SPATA6L: variants seen among roughly 807,000 people sequenced by gnomAD.
The protein encoded by SPATA6L is spermatogenesis associated 6 like.
Under a neutral mutation model 49.2 loss-of-function variants are expected in SPATA6L, and 68 were observed. That is an observed-to-expected ratio of 1.38 (90% confidence interval 1.14 to 1.69). The LOEUF is 1.69. Ranked by LOEUF, SPATA6L falls within the 40% of genes most tolerant of loss-of-function variation. SPATA6L has a pLI of 0.00. For synonymous variants in SPATA6L, 198 were observed against 165.7 expected (o/e 1.19, Z -1.50); for missense variants, 668 against 464.3 (o/e 1.44, Z -4.03).
chr9:4,652,764 C>T (rs1354139150), intron 3 of SPATA6L, among the ~76,000 whole-genome samples: 1 of 150,118 alleles, frequency 6.7e-6, no homozygotes, highest in Non-Finnish European at 1.5e-5. Context: ...TCACTTGAAC[C>T]TGGGAGGCAG....
chr9:4,646,399 C>G, intron 3 of SPATA6L: 4 of 800,390 alleles, frequency 5.0e-6, no homozygotes, highest in Non-Finnish European at 7.5e-6. Context: ...TCAAACACAA[C>G]TCTTAAGTAC....
At chr9:4,604,321 G>C in intron 10 of SPATA6L, 52 bp from the exon 11 acceptor site, 1 of 1,206,510 alleles carries the variant, frequency 8.3e-7, no homozygotes, top group African/African-American at 1.5e-5. Flanking sequence ...TAATAGAGAT[G>C]GATGATACCC....
chr9:4,636,855 G>A (rs964646771), intron 3 of SPATA6L, among the ~76,000 whole-genome samples: 2 of 152,072 alleles, frequency 1.3e-5, no homozygotes, highest in Non-Finnish European at 2.9e-5. Flanking sequence ...CCACGCTCCA[G>A]CCACAATGGA....
intron 9 of SPATA6L, among the ~76,000 whole-genome samples, chr9:4,607,002 A>C (rs1161964395): frequency 0.011 from 1,702 of 148,356 alleles, 34 homozygotes; most frequent in African/African-American, 0.042. Context: ...AGAATGCAGA[A>C]GCCTCAGGAG....
At chr9:4,605,180 C>A in intron 10 of SPATA6L, among the ~76,000 whole-genome samples, 167 bp downstream of exon 10, 1 of 152,150 alleles carries the variant, frequency 6.6e-6, no homozygotes, top group East Asian at 1.9e-4. Context: ...GTCAAATACC[C>A]GCTACCATTC....
intron 1 of SPATA6L, chr9:4,664,482 T>A (rs1840556290): frequency 6.0e-6 from 1 of 167,074 alleles, no homozygotes; most frequent in South Asian, 2.1e-4. Context: ...TACATTGACC[T>A]TTACATTTAA....
chr9:4,629,566 A>T (rs1831052589), intron 4 of SPATA6L, among the ~76,000 whole-genome samples: 1 of 151,944 alleles, frequency 6.6e-6, no homozygotes, highest in African/African-American at 2.4e-5. Flanking sequence ...ATTGAATGAG[A>T]TTACCTAGAG....
intron 3 of SPATA6L, among the ~76,000 whole-genome samples, chr9:4,649,878 T>C (rs568327038): frequency 3.0e-4 from 46 of 152,296 alleles, no homozygotes; most frequent in African/African-American, 1.1e-3. Flanking sequence ...TCATTTGAAA[T>C]GCTGAATTTT....
At chr9:4,592,514 T>G (rs1414818910) in intron 13 of SPATA6L, among the ~76,000 whole-genome samples, 2 of 152,146 alleles carry the variant, frequency 1.3e-5, no homozygotes, top group Admixed American at 1.3e-4. Flanking sequence ...ATTAAGCAAC[T>G]TCCCCAAAGA....
intron 5 of SPATA6L, chr9:4,626,409 G>C (rs1403808250): frequency 4.6e-6 from 6 of 1,302,926 alleles, no homozygotes; most frequent in Non-Finnish European, 6.1e-6. Flanking sequence ...CTGAGTTCCA[G>C]CTCATCCAAG....
intron 3 of SPATA6L, among the ~76,000 whole-genome samples, chr9:4,638,318 T>C (rs1587312811): frequency 1.3e-5 from 2 of 152,058 alleles, no homozygotes; most frequent in East Asian, 3.9e-4. Flanking sequence ...TTCAAGTGAT[T>C]CTCTTGCCTC....
chr9:4,662,148 C>T lies in SPATA6L; in HGVS notation c.40-112G>A, dbSNP rs1563741808. The T allele has an allele frequency of 8.7e-6, 13 of 1,487,158 alleles. No individual in the cohort carries two copies. The highest frequency in any genetic ancestry group is 1.2e-5 in the Non-Finnish European group (13 of 1,118,666). The allele number at this position is 1,487,158 out of a possible 1,614,324, so 92.1% of individuals were successfully genotyped here. A position where few individuals can be genotyped will look rare whatever the true frequency, so the allele number is the denominator to read the frequency against. On this transcript the variant is annotated intron_variant, in intron 1 of 11. Transcript: ENST00000682582. This position sits in a 1 kb window ranked among gnomAD's most constrained non-coding sequence, Gnocchi z 4.9. ...CTACAGACACTGACATTTTCCCCAT[C>T]ACCTCACTCCCTCACCTGTACCTCC... is the stretch of plus-strand genomic sequence containing the variant.
intron 9 of SPATA6L, among the ~76,000 whole-genome samples, chr9:4,616,848 C>G (rs199508327): frequency 1.3e-5 from 2 of 152,138 alleles, no homozygotes; most frequent in South Asian, 4.1e-4. Context: ...GCCTCCCAAA[C>G]TGCTGGGATT....
downstream of SPATA6L, among the ~76,000 whole-genome samples, chr9:4,595,979 A>G (rs1308149962): frequency 6.6e-6 from 1 of 152,212 alleles, no homozygotes; most frequent in Non-Finnish European, 1.5e-5. Flanking sequence ...ACCTTGTGGG[A>G]GGATGGGGTG....
intron 2 of SPATA6L, among the ~76,000 whole-genome samples, chr9:4,657,145 C>T (rs894892535): frequency 6.6e-6 from 1 of 152,022 alleles, no homozygotes; most frequent in Non-Finnish European, 1.5e-5. Flanking sequence ...CTAAGAAAAA[C>T]AAAACATTTT....
chr9:4,604,265 T>C lies in SPATA6L; in HGVS notation c.1094A>G (p.Asp365Gly). ...HRAQLHQNKE[D>G]STSEVNYIIE... ...GATATAATTTACTTCAGAGGTAGAA[T>C]CTTCCTACAATAAAAACAAATCCAG... is the stretch of plus-strand genomic sequence containing the variant. The change falls in exon 11 of 12, where the codon GAT (aspartate) becomes GGT (glycine). Residue 365 changes from aspartate (D) to glycine (G), a missense_variant. Coordinates refer to ENST00000682582, the MANE Select transcript of SPATA6L (RefSeq NM_001353486.2). 1 of 1,601,036 alleles carries C rather than the reference T, an allele frequency of 6.2e-7. No homozygotes were observed. The highest frequency in any genetic ancestry group is 1.3e-5 in the African/African-American group (1 of 74,774).
chr9:4,607,166 G>C (rs1270377122), intron 9 of SPATA6L, among the ~76,000 whole-genome samples: 2 of 152,108 alleles, frequency 1.3e-5, no homozygotes, highest in East Asian at 1.9e-4. Context: ...ATCTACGTCT[G>C]ATTGGTATAC....
intron 6 of SPATA6L, among the ~76,000 whole-genome samples, chr9:4,623,141 T>G (rs1039205575): frequency 3.3e-5 from 5 of 151,940 alleles, no homozygotes; most frequent in African/African-American, 9.7e-5. Flanking sequence ...TTAGCTGGGC[T>G]TGGTGGCGCA....
At chr9:4,619,567 C>T (rs560823536) in intron 7 of SPATA6L, among the ~76,000 whole-genome samples, 4 of 151,994 alleles carry the variant, frequency 2.6e-5, no homozygotes, top group Non-Finnish European at 5.9e-5. Context: ...GAGCAGGCGC[C>T]CAGAACCTAA....
Sources: allele counts gnomAD v4.1 joint callset (sites outside exome capture counted in the v4.1 genomes callset), GRCh38; gene constraint gnomAD v4.1.1; non-coding constraint Gnocchi (gnomAD v3.1); transcripts MANE v1.5; gene names NCBI Gene and HGNC (gene_info 2026-07-23, HGNC 2026-07-21).